The following EHD2 variants were observed in gnomAD, a reference collection of about 807,000 sequenced individuals.
EHD2 encodes EH domain containing 2, also known as EH domain-containing protein 2.
Under a neutral mutation model 41.0 loss-of-function variants are expected in EHD2, and 27 were observed. The observed-to-expected ratio is 0.66, with a 90% confidence interval of 0.49 to 0.91. The LOEUF (loss-of-function observed/expected upper bound fraction) is 0.91, where lower values mean the gene tolerates loss of function less well. Ranked by LOEUF, EHD2 falls within the 40% of genes least tolerant of loss-of-function variation. The pLI is 0.00. For missense variants in EHD2, 673 were observed against 773.9 expected (o/e 0.87, Z 1.55); for synonymous variants, 342 against 341.0 (o/e 1.00, Z -0.03).
intron 1 of EHD2, among the ~76,000 whole-genome samples, chr19:47,714,097 C>A (rs571538131): frequency 6.6e-6 from 1 of 152,280 alleles, no homozygotes; most frequent in East Asian, 1.9e-4. Flanking sequence ...CTGGCCACCC[C>A]TTTTAAGTCT....
intron 4 of EHD2, chr19:47,731,304 A>ATATATATG (rs1358977030): frequency 0.023 from 1,181 of 52,304 alleles, 43 homozygotes; most frequent in East Asian, 0.047. Flanking sequence ...ATATATATAC[A>ATATATATG]TATATATATA....
intron 1 of EHD2, among the ~76,000 whole-genome samples, chr19:47,715,106 G>A (rs936864003): frequency 4.0e-5 from 6 of 151,746 alleles, no homozygotes; most frequent in Non-Finnish European, 8.8e-5. Context: ...AAGCAAAGCA[G>A]GGATGATAAT....
Position 47,741,028 on chromosome 19 carries a change from CA to C in EHD2, c.1229del (p.Gln410ArgfsTer37). On this transcript the variant is annotated frameshift_variant, in exon 6 of 6. Transcript: ENST00000263277. LOFTEE classifies it high-confidence loss of function. This position sits in a 1 kb window ranked among gnomAD's most constrained non-coding sequence, Gnocchi z 4.5. ...EELESTEVGV[Q>X]GGAFEGTHMG... Reference sequence around the variant, plus strand: ...GCTGGAGAGCACCGAGGTGGGCGTGCAGGGGGGCGCTTTTGAGGGCACCCAC... The same window carrying C: ...GCTGGAGAGCACCGAGGTGGGCGTGCGGGGGGCGCTTTTGAGGGCACCCAC... 6.2e-7 allele frequency: 1 copy of C among 1,609,948 alleles called. No homozygotes were observed. The highest frequency in any genetic ancestry group is 1.1e-5 in the South Asian group (1 of 91,074).
In EHD2 at chr19:47,716,793, G is replaced by T; in HGVS notation, c.181G>T (p.Val61Leu). 2 of 1,611,676 alleles carry T rather than the reference G, an allele frequency of 1.2e-6. No individual in the cohort carries two copies. The highest frequency in any genetic ancestry group is 1.7e-6 in the Non-Finnish European group (2 of 1,178,832). ...CGCAGACTTCGACGGCAAGCCCATGGTGCTGGTGGCCGGCCAGTACAGCAC... is the reference window on the plus strand; with the variant it reads ...CGCAGACTTCGACGGCAAGCCCATGTTGCTGGTGGCCGGCCAGTACAGCAC... ...EDADFDGKPM[V>L]LVAGQYSTGK... Residue 61 changes from valine (V) to leucine (L), a missense_variant, in exon 2 of 6, where the codon GTG becomes TTG. Coordinates refer to ENST00000263277, the MANE Select transcript of EHD2 (RefSeq NM_014601.4).
rs544914999 is a variant in EHD2, at chr19:47,726,011, C to G, written c.702C>G (p.Gly234=). 1.4e-4 allele frequency: 230 copies of G among 1,604,528 alleles called. 2 individuals are homozygous for G. The East Asian group carries it at 3.7e-3, about 26-fold the overall frequency. Reference sequence around the variant, plus strand: ...CGCAGCAGCTGATGCGCGTCTACGGCGCGCTCATGTGGGCGCTGGGCAAGG... The same window carrying G: ...CGCAGCAGCTGATGCGCGTCTACGGGGCGCTCATGTGGGCGCTGGGCAAGG... ...VETQQLMRVY[G]ALMWALGKVV... is the part of the protein sequence containing the mutation. The change falls in exon 4 of 6, where the codon GGC becomes GGG. Residue 234 remains glycine (G), a synonymous_variant. Coordinates refer to ENST00000263277, the MANE Select transcript of EHD2 (RefSeq NM_014601.4).
At chr19:47,713,854 C>A (rs1351439628) in intron 1 of EHD2, among the ~76,000 whole-genome samples, 1 of 151,950 alleles carries the variant, frequency 6.6e-6, no homozygotes, top group Admixed American at 6.6e-5. Context: ...TCCCTCCACG[C>A]CCTCATCCAT....
At chr19:47,733,770 A>AAAAAAAAAAAAAAAAC (rs1211641118) in intron 4 of EHD2, among the ~76,000 whole-genome samples, 1 of 149,812 alleles carries the variant, frequency 6.7e-6, no homozygotes, top group Non-Finnish European at 1.5e-5. Context: ...AAAAAAAAAA[A>AAAAAAAAAAAAAAAAC]AAAAATCCAC....
intron 4 of EHD2, among the ~76,000 whole-genome samples, chr19:47,734,248 T>C (rs1966899234): frequency 1.3e-5 from 2 of 151,446 alleles, no homozygotes; most frequent in South Asian, 4.2e-4. Context: ...GGTGGGAGGA[T>C]GGATTGAGCT....
At chr19:47,728,970 GT>G (rs1444078874) in intron 4 of EHD2, among the ~76,000 whole-genome samples, 1 of 151,866 alleles carries the variant, frequency 6.6e-6, no homozygotes, top group Non-Finnish European at 1.5e-5. Flanking sequence ...TGAACAAACA[GT>G]TGCATTGAAC....
At chr19:47,717,849 A>G (rs1973645937) in intron 2 of EHD2, among the ~76,000 whole-genome samples, 1 of 148,696 alleles carries the variant, frequency 6.7e-6, no homozygotes, top group Non-Finnish European at 1.5e-5. Context: ...CGGAGGTTGC[A>G]GTAAGCCGAG....
chr19:47,728,789 C>G (rs1032679263), intron 4 of EHD2, among the ~76,000 whole-genome samples: 1 of 150,544 alleles, frequency 6.6e-6, no homozygotes, highest in African/African-American at 2.4e-5. Context: ...AGGCTGGTCT[C>G]GAACTCCCGA....
At chr19:47,734,889 C>A (rs966658732) in intron 4 of EHD2, among the ~76,000 whole-genome samples, 1 of 151,836 alleles carries the variant, frequency 6.6e-6, no homozygotes, top group Admixed American at 6.6e-5. Context: ...CCAGTCTCTA[C>A]TAAACATACA....
Position 47,736,177 on chromosome 19 carries a change from C to T in EHD2, c.916-192C>T, listed in dbSNP as rs145909754. Among the ~76,000 whole-genome samples, 729 of 151,888 alleles carry T rather than the reference C, an allele frequency of 4.8e-3. 8 individuals carry two copies. Among genetic ancestry groups the T allele is most frequent in the African/African-American group, 0.017 (687 of 41,390 alleles). On this transcript the variant is annotated intron_variant, in intron 4 of 5. Coordinates refer to ENST00000263277, the MANE Select transcript of EHD2 (RefSeq NM_014601.4). ...TGCTACTGCACTCCAGCCTCGGTGA[C>T]AGAGCGAGACTCCGTCTCAAAGAAA...
chr19:47,717,077 C>A, intron 2 of EHD2, 61 bp downstream of exon 2: 1 of 1,590,100 alleles, frequency 6.3e-7, no homozygotes, highest in South Asian at 1.1e-5. Flanking sequence ...ACAGAGTTTC[C>A]GCTCTTTTCG....
At chr19:47,738,348 G>T (rs963034917) in intron 5 of EHD2, among the ~76,000 whole-genome samples, 1 of 151,458 alleles carries the variant, frequency 6.6e-6, no homozygotes, top group Non-Finnish European at 1.5e-5. Flanking sequence ...TGTTGCCCAG[G>T]TTGGAATGCA....
At chr19:47,735,103 A>G (rs1186277751) in intron 4 of EHD2, among the ~76,000 whole-genome samples, 1 of 152,228 alleles carries the variant, frequency 6.6e-6, no homozygotes, top group Non-Finnish European at 1.5e-5. Context: ...TCTGGCCTCA[A>G]CTGGGAAGGC....
chr19:47,741,821 C>A lies in EHD2; in HGVS notation c.*389C>A, dbSNP rs1381349916. 6.3e-6 allele frequency: 3 copies of A among 476,772 alleles called. No homozygotes were observed. In the Admixed American group the frequency reaches 7.0e-5, roughly 11 times the overall value. The allele number at this position is 476,772 out of a possible 1,614,324, so 29.5% of individuals were successfully genotyped here. Reference sequence around the variant, plus strand: ...ATACATCTGCCCTCATGGAAGGTGACGTTCCCAGGAGAGGGCACCTACACA... The same window carrying A: ...ATACATCTGCCCTCATGGAAGGTGAAGTTCCCAGGAGAGGGCACCTACACA... On this transcript the variant is annotated 3_prime_UTR_variant, in exon 6 of 6. Coordinates refer to ENST00000263277, the MANE Select transcript of EHD2 (RefSeq NM_014601.4). The surrounding 1 kb of genome is among the most constrained non-coding windows in gnomAD (Gnocchi z 4.5).
rs879925800 is a variant in EHD2 at position 47,719,944 on chromosome 19, A to ATGTGTGTGTG, written c.502+1339_502+1340insGTGTGTGTGT. On this transcript the variant is annotated intron_variant, in intron 3 of 5. Transcript: ENST00000263277. This position sits in a 1 kb window ranked among gnomAD's most constrained non-coding sequence, Gnocchi z 4.1. ...AGAGAGTGTCCAGCTGTTGGTGTGT[A>ATGTGTGTGTG]TATGTGTGTGTGTGTGTGTGTGTGT... Among the ~76,000 whole-genome samples the ATGTGTGTGTG allele has an allele frequency of 9.5e-3, 1,062 of 112,060 alleles. 8 individuals carry two copies. The highest frequency in any genetic ancestry group is 0.039 in the African/African-American group (755 of 19,370). 73.5% of individuals were successfully genotyped at this position (112,060 alleles called of 152,430 possible).
At chr19:47,723,325 A>T (rs3112493) in intron 3 of EHD2, among the ~76,000 whole-genome samples, 57,820 of 151,760 alleles carry the variant, frequency 0.38, 11,238 homozygotes, top group Middle Eastern at 0.55. Context: ...CACTGTTTTT[A>T]AAAAAACAGT....
Sources: allele counts gnomAD v4.1 joint callset (sites outside exome capture counted in the v4.1 genomes callset), GRCh38; gene constraint gnomAD v4.1.1; non-coding constraint Gnocchi (gnomAD v3.1); transcripts MANE v1.5; gene names NCBI Gene and HGNC (gene_info 2026-07-23, HGNC 2026-07-21).